Variants in TFDP2 observed in about 807,000 individuals in gnomAD.
The protein encoded by TFDP2 is transcription factor Dp-2, also known as transcription factor Dp-2 (E2F dimerization partner 2).
In TFDP2, 17 loss-of-function variants were observed where a neutral mutation model predicts 59.3. The ratio of observed to expected loss-of-function variants is 0.29; its 90% CI spans 0.20 to 0.43. The LOEUF (loss-of-function observed/expected upper bound fraction) is 0.43, where lower values mean the gene tolerates loss of function less well. TFDP2 is among the 20% of genes least tolerant of loss of function. The probability of loss-of-function intolerance (pLI) is 1.00; values close to 1 mark genes in which losing one functional copy is unlikely to be tolerated. For missense variants in TFDP2, 391 were observed against 528.8 expected, an observed-to-expected ratio of 0.74 and a Z score of 2.56; for synonymous variants, 180 against 194.7, an observed-to-expected ratio of 0.92 and a Z score of 0.63.
rs567893279 is a variant in TFDP2, at chr3:142,148,048, A to G, written c.-93+1135T>C. On this transcript the variant is annotated intron_variant, in intron 1 of 12. Transcript: ENST00000489671. ...TAGATGAATATATATTCACGAGCTG[A>G]AAAAAAAAACAGGTAAATTATTTAT... Among the ~76,000 whole-genome samples the G allele has an allele frequency of 6.8e-5, 10 of 148,080 alleles. No homozygotes were observed. In the South Asian group the frequency reaches 2.1e-3, roughly 31 times the overall value.
chr3:141,988,669 C>CTTTTTTTT lies in TFDP2; in HGVS notation c.356+4861_356+4868dup, dbSNP rs540352017. Among the ~76,000 whole-genome samples, 8 of 125,704 alleles carry CTTTTTTTT rather than the reference C, an allele frequency of 6.4e-5. 1 individual carries two copies. Among genetic ancestry groups the CTTTTTTTT allele is most frequent in the East Asian group, 2.3e-4 (1 of 4,362 alleles). 82.5% of individuals were successfully genotyped at this position (125,704 alleles called of 152,430 possible). The stretch of plus-strand genomic sequence containing the variant: ...ACTGTTTTTAGCAATCTTTTCTTTT[C>CTTTTTTTT]TTTTTTTTTTTTTTTTTTGAGATGG... On this transcript the variant is annotated intron_variant, in intron 6 of 12. Transcript: ENST00000489671.
intron 3 of TFDP2, among the ~76,000 whole-genome samples, chr3:142,068,003 T>TA (rs750432367): frequency 0.016 from 1,833 of 115,856 alleles, 18 homozygotes; most frequent in East Asian, 0.022. Flanking sequence ...GACTCTAGCT[T>TA]AAAAAAAAAA....
rs193291560 is a variant in TFDP2, at chr3:142,007,914, C to G, written c.83-2370G>C. On this transcript the variant is annotated intron_variant, in intron 3 of 12. Transcript: ENST00000489671. ...GAAGCTTTGCTCACTCACTGGCTTG[C>G]CTGCCTGCCACTCACCTCCTGCTGT... is the stretch of plus-strand genomic sequence containing the variant. Among the ~76,000 whole-genome samples, 815 of 152,276 alleles carry G rather than the reference C, an allele frequency of 5.4e-3. 11 individuals are homozygous for G. Among genetic ancestry groups the G allele is most frequent in the African/African-American group, 0.019 (793 of 41,544 alleles).
chr3:141,968,429 TATAG>T (rs1445917503), intron 9 of TFDP2, among the ~76,000 whole-genome samples: 2 of 74,350 alleles, frequency 2.7e-5, no homozygotes, highest in Non-Finnish European at 5.5e-5. Context: ...ATATCTCATA[TATAG>T]ATATATATAA....
chr3:142,044,003 T>C (rs903072347), intron 3 of TFDP2: 58 of 703,900 alleles, frequency 8.2e-5, no homozygotes, highest in Non-Finnish European at 1.1e-4. Flanking sequence ...CCAAGGTCTT[T>C]TTCCGGCATC....
At chr3:142,047,804 C>G (rs528034313) in intron 3 of TFDP2, among the ~76,000 whole-genome samples, 10 of 148,248 alleles carry the variant, frequency 6.7e-5, no homozygotes, top group Non-Finnish European at 1.5e-4. Flanking sequence ...GTCAGTGGCG[C>G]GATCTTGGTT....
At chr3:142,028,178 TA>T (rs1474447212) in intron 3 of TFDP2, among the ~76,000 whole-genome samples, 1 of 152,190 alleles carries the variant, frequency 6.6e-6, no homozygotes, top group Non-Finnish European at 1.5e-5. Context: ...AATGTTTAGT[TA>T]AGGGCAAAGC....
In TFDP2 at chr3:142,079,488, T is replaced by G. The variant is rs984011658; in HGVS notation, c.82+13573A>C. 3.3e-4 allele frequency among the ~76,000 whole-genome samples: 50 copies of G among 152,108 alleles called. 1 individual carries two copies. Among genetic ancestry groups the G allele is most frequent in the African/African-American group, 1.2e-3 (49 of 41,426 alleles). ...GTAAAAAGTTTATTCAAAGAGATAATACCAGCAAAATTCCCAAACCTAGAG... is the reference window on the plus strand; with the variant it reads ...GTAAAAAGTTTATTCAAAGAGATAAGACCAGCAAAATTCCCAAACCTAGAG... On this transcript the variant is annotated intron_variant, in intron 3 of 12. Transcript: ENST00000489671.
chr3:142,073,972 C>A (rs2060351536), intron 3 of TFDP2, among the ~76,000 whole-genome samples: 1 of 152,110 alleles, frequency 6.6e-6, no homozygotes, highest in African/African-American at 2.4e-5. Flanking sequence ...ATTCCAAGAG[C>A]CCTAAATAGC....
intron 4 of TFDP2, among the ~76,000 whole-genome samples, chr3:142,002,039 G>A (rs989137488): frequency 6.9e-5 from 10 of 145,898 alleles, no homozygotes; most frequent in African/African-American, 2.6e-4. Context: ...CTGTTGCCCA[G>A]GCTGGAGTGC....
intron 3 of TFDP2, among the ~76,000 whole-genome samples, chr3:142,080,032 C>T (rs1351344971): frequency 6.6e-6 from 1 of 152,176 alleles, no homozygotes; most frequent in Non-Finnish European, 1.5e-5. Flanking sequence ...GGCACGATCT[C>T]GGCTCACTGC....
At chr3:142,127,265 C>T (rs1345760461) in intron 1 of TFDP2, among the ~76,000 whole-genome samples, 2 of 147,144 alleles carry the variant, frequency 1.4e-5, no homozygotes, top group Admixed American at 6.8e-5. Context: ...CCTTCTGAGT[C>T]GCTAGGACTA....
At chr3:141,975,593 A>T (rs1286129373) in intron 7 of TFDP2, among the ~76,000 whole-genome samples, 1 of 151,108 alleles carries the variant, frequency 6.6e-6, no homozygotes, top group Non-Finnish European at 1.5e-5. Flanking sequence ...ACTCAGGAGG[A>T]TGAGGCAGGA....
chr3:141,976,182 A>G (rs1403618379), intron 7 of TFDP2, among the ~76,000 whole-genome samples: 2 of 152,168 alleles, frequency 1.3e-5, no homozygotes, highest in Non-Finnish European at 2.9e-5. Context: ...CCCGGCCTAT[A>G]GTAGTAGTAT....
At chr3:142,127,255 C>G (rs937323792) in intron 1 of TFDP2, among the ~76,000 whole-genome samples, 1 of 148,460 alleles carries the variant, frequency 6.7e-6, no homozygotes, top group African/African-American at 2.5e-5. Flanking sequence ...CACACCTCAA[C>G]CTTCTGAGTC....
chr3:141,996,249 T>C (rs1943263890), intron 4 of TFDP2, among the ~76,000 whole-genome samples: 1 of 152,118 alleles, frequency 6.6e-6, no homozygotes, highest in African/African-American at 2.4e-5. Flanking sequence ...AGCCTAGTAA[T>C]AGCTTTAGAA....
rs371756233 is a variant in TFDP2, at chr3:142,149,502, G to C, written c.-412C>G. On this transcript the variant is annotated 5_prime_UTR_variant, in exon 1 of 13. Coordinates refer to ENST00000489671, the MANE Select transcript of TFDP2 (RefSeq NM_001178139.2). ...CCTCTCCCTGCCCAGCTACAGCCCCGCTTCCCCCGCGCGAGCTTTGGCGGC... is the reference window on the plus strand; with the variant it reads ...CCTCTCCCTGCCCAGCTACAGCCCCCCTTCCCCCGCGCGAGCTTTGGCGGC... The C allele has an allele frequency of 1.2e-5, 4 of 346,552 alleles. No individual in the cohort carries two copies. The highest frequency in any genetic ancestry group is 8.5e-5 in the African/African-American group (4 of 47,048). The allele number at this position is 346,552 out of a possible 1,614,324, so 21.5% of individuals were successfully genotyped here. A position where few individuals can be genotyped will look rare whatever the true frequency, so the allele number is the denominator to read the frequency against.
chr3:142,134,008 T>C (rs1320461801), intron 1 of TFDP2, among the ~76,000 whole-genome samples: 1 of 149,534 alleles, frequency 6.7e-6, no homozygotes, highest in Non-Finnish European at 1.5e-5. Flanking sequence ...CATTCCAGCC[T>C]GGGCGACAGA....
intron 3 of TFDP2, among the ~76,000 whole-genome samples, chr3:142,050,991 T>C (rs1947598232): frequency 6.6e-6 from 1 of 152,234 alleles, no homozygotes; most frequent in South Asian, 2.1e-4. Context: ...AAAATTTATA[T>C]AAAATGCAAA....
Sources: allele counts gnomAD v4.1 joint callset (sites outside exome capture counted in the v4.1 genomes callset), GRCh38; gene constraint gnomAD v4.1.1; transcripts MANE v1.5; gene names NCBI Gene and HGNC (gene_info 2026-07-23, HGNC 2026-07-21).